The following DNAH2 variants were observed in gnomAD, a reference collection of about 807,000 sequenced individuals.
The protein encoded by DNAH2 is dynein axonemal heavy chain 2.
Under a neutral mutation model 523.5 loss-of-function variants are expected in DNAH2, and 323 were observed. The observed-to-expected ratio is 0.62, with a 90% CI of 0.56 to 0.68. The LOEUF is 0.68. Ranked by LOEUF, DNAH2 falls within the 30% of genes least tolerant of loss-of-function variation. The probability of loss-of-function intolerance (pLI) is 0.00; values close to 1 mark genes in which losing one functional copy is unlikely to be tolerated. For missense variants in DNAH2, 4,907 were observed against 5,701.5 expected, an observed-to-expected ratio of 0.86 and a Z score of 4.49; for synonymous variants, 2,093 against 2,177.4, an observed-to-expected ratio of 0.96 and a Z score of 1.08.
chr17:7,740,038 A>G, intron 9 of DNAH2, 100 bp downstream of exon 9: 1 of 915,002 alleles, frequency 1.1e-6, no homozygotes, highest in South Asian at 1.6e-5. Context: ...AAATGGTGGA[A>G]GGACAGATCG....
chr17:7,780,624 C>A lies in DNAH2; in HGVS notation c.5851-6C>A, dbSNP rs1440437472. The A allele has an allele frequency of 6.2e-7, 1 of 1,613,590 alleles. No individual in the cohort carries two copies. Among genetic ancestry groups the A allele is most frequent in the South Asian group, 1.1e-5 (1 of 91,070 alleles). On this transcript the variant is annotated splice_polypyrimidine_tract_variant and splice_region_variant and intron_variant, in intron 37 of 85. Coordinates refer to ENST00000572933, the MANE Select transcript of DNAH2 (RefSeq NM_020877.5). This position sits in a 1 kb window ranked among gnomAD's most constrained non-coding sequence, Gnocchi z 4.4. ...GACTGTTTCCTCCTCTGTTTTGGTT[C>A]CCCAGATTCTGGCCAAGAAGGTGTA...
intron 24 of DNAH2, 116 bp downstream of exon 24, chr17:7,768,383 A>T: frequency 1.0e-6 from 1 of 962,386 alleles, no homozygotes; most frequent in Admixed American, 2.5e-5. Context: ...CCCTCTGTCC[A>T]CAAATGTATG....
chr17:7,819,204 G>A lies in DNAH2; in HGVS notation c.10816-5G>A, dbSNP rs370687985. On this transcript the variant is annotated splice_region_variant and splice_polypyrimidine_tract_variant and intron_variant, in intron 71 of 85. Transcript: ENST00000572933. ...GGCCCTGACTCCACCCATCCCCACCGGCAGGCTTACCGCCCATGCGCCCAG... is the reference window on the plus strand; with the variant it reads ...GGCCCTGACTCCACCCATCCCCACCAGCAGGCTTACCGCCCATGCGCCCAG... The A allele has an allele frequency of 1.2e-4, 186 of 1,613,010 alleles. No homozygotes were observed. Among genetic ancestry groups the A allele is most frequent in the South Asian group, 1.8e-4 (16 of 91,074 alleles).
intron 11 of DNAH2, among the ~76,000 whole-genome samples, chr17:7,741,503 GC>G (rs2075350531): frequency 6.6e-6 from 1 of 150,642 alleles, no homozygotes; most frequent in South Asian, 2.1e-4. Flanking sequence ...GACTACAGGT[GC>G]CCGCCACCGC....
intron 48 of DNAH2, 112 bp downstream of exon 48, chr17:7,793,317 C>T (rs1316073260): frequency 5.4e-6 from 6 of 1,112,024 alleles, no homozygotes; most frequent in Non-Finnish European, 7.6e-6. Flanking sequence ...TTCCTTCCCA[C>T]ACAGGAGCGT....
In DNAH2 at chr17:7,719,901, G is replaced by A. The variant is rs771398790; in HGVS notation, c.166+1G>A. ...GCTGAGCTCCCCAAGGAGGAGCCTG[G>A]TGGGTACTTGCTGGGGCAGAGGATG... On this transcript the variant is annotated splice_donor_variant, in intron 2 of 85. Coordinates refer to ENST00000572933, the MANE Select transcript of DNAH2 (RefSeq NM_020877.5). LOFTEE classifies it high-confidence loss of function. 3 of 1,530,038 alleles carry A rather than the reference G, an allele frequency of 2.0e-6. No individual in the cohort carries two copies. Among genetic ancestry groups the A allele is most frequent in the Non-Finnish European group, 2.6e-6 (3 of 1,139,620 alleles). 94.8% of individuals were successfully genotyped at this position (1,530,038 alleles called of 1,614,324 possible).
At position 7,793,068 on chromosome 17, in the gene DNAH2, A is replaced by G. The variant is rs1210931366; in HGVS notation, c.7432A>G (p.Met2478Val). ...CTACGTGCCATTCGGGGGCAAAAGC[A>G]TGATCACCTTTATGGATGACCTAAA... is the stretch of plus-strand genomic sequence containing the variant. Reference protein sequence around the residue: ...GVYVPFGGKSMITFMDDLNMP... With the variant: ...GVYVPFGGKSVITFMDDLNMP... Residue 2478 changes from methionine to valine, a missense_variant, in exon 48 of 86, where the codon ATG becomes GTG. Around this residue, in one of 3 missense-constraint regions of DNAH2, gnomAD observed 2,806 missense variants for 3,190.8 expected, o/e 0.88. Transcript: ENST00000572933. 1.9e-6 allele frequency: 3 copies of G among 1,614,102 alleles called. No homozygotes were observed. The South Asian group carries it at 3.3e-5, about 18-fold the overall frequency.
At chr17:7,768,134 G>A (rs778948595) in intron 23 of DNAH2, 30 bp from the exon 24 acceptor site, 1 of 1,614,146 alleles carries the variant, frequency 6.2e-7, no homozygotes, top group Non-Finnish European at 8.5e-7. Context: ...GAGGTCGTCG[G>A]GTCTTCTCAT....
At chr17:7,819,104 C>A in intron 71 of DNAH2, 41 bp downstream of exon 71, 1 of 1,600,844 alleles carries the variant, frequency 6.2e-7, no homozygotes, top group Non-Finnish European at 8.5e-7. Context: ...CACCAGCCAT[C>A]CAAGATGCAA....
Position 7,719,769 on chromosome 17 carries a change from G to A in DNAH2, c.35G>A (p.Ser12Asn), listed in dbSNP as rs1245719428. The change falls in exon 2 of 86, where the codon AGT (serine) becomes AAT (asparagine). Residue 12 changes from serine to asparagine, a missense_variant. Physicochemically the swap from Ser to Asn is conservative, Grantham distance 46 (BLOSUM62 1). This residue lies in a region of DNAH2 where 2,806 missense variants were observed against 3,190.8 expected (regional missense o/e 0.88). Coordinates refer to ENST00000572933, the MANE Select transcript of DNAH2 (RefSeq NM_020877.5). ...AAAGCTGAGAAGAAGCAGCGATTGAGTGGCCGAGGAAGCTCCCAGGCAAGC... is the reference window on the plus strand; with the variant it reads ...AAAGCTGAGAAGAAGCAGCGATTGAATGGCCGAGGAAGCTCCCAGGCAAGC... ...SSKAEKKQRLSGRGSSQASWS... is the reference protein window; with the variant it reads ...SSKAEKKQRLNGRGSSQASWS... The A allele has an allele frequency of 6.2e-7, 1 of 1,614,110 alleles. No individual in the cohort carries two copies. The highest frequency in any genetic ancestry group is 8.5e-7 in the Non-Finnish European group (1 of 1,180,058).
At chr17:7,720,745 T>C (rs1024175408) in intron 2 of DNAH2, among the ~76,000 whole-genome samples, 1 of 152,146 alleles carries the variant, frequency 6.6e-6, no homozygotes, top group African/African-American at 2.4e-5. Context: ...CCCTGGGCCA[T>C]AAGAACTTGC....
intron 7 of DNAH2, among the ~76,000 whole-genome samples, chr17:7,736,063 A>T (rs1279463947): frequency 3.3e-5 from 5 of 151,784 alleles, no homozygotes; most frequent in African/African-American, 1.2e-4. Context: ...TAATTTTTAA[A>T]TTTTTTGTAG....
In DNAH2 at chr17:7,817,276, C is replaced by T. The variant is rs745851163; in HGVS notation, c.9895-14C>T. ...TGGGGCCCAGGCAGGCTTACCCTCC[C>T]TCCTGTCCGCCAGGGCCTGGAGGAG... is the stretch of plus-strand genomic sequence containing the variant. On this transcript the variant is annotated splice_polypyrimidine_tract_variant and intron_variant, in intron 64 of 85. Transcript: ENST00000572933. 1.9e-6 allele frequency: 3 copies of T among 1,585,952 alleles called. No homozygotes were observed. The South Asian group carries it at 3.5e-5, about 18-fold the overall frequency.
At chr17:7,744,005 C>T (rs2934598) in intron 12 of DNAH2, 115,150 of 152,154 alleles carry the variant, frequency 0.76, 44,557 homozygotes, top group East Asian at 1. Context: ...AAGTCAACAG[C>T]TCTACTCTTG....
intron 63 of DNAH2, among the ~76,000 whole-genome samples, chr17:7,808,607 A>G (rs1446668490): frequency 6.6e-6 from 1 of 152,100 alleles, no homozygotes; most frequent in African/African-American, 2.4e-5. Context: ...TCTGTTCTCT[A>G]GTCACCAGCT....
At chr17:7,781,264 C>A in intron 39 of DNAH2, 97 bp downstream of exon 39, 1 of 1,426,468 alleles carries the variant, frequency 7.0e-7, no homozygotes, top group Non-Finnish European at 9.8e-7. Flanking sequence ...TGTTTGAGTC[C>A]AGGAGTTTGA....
At chr17:7,740,351 C>T (rs2075273888) in intron 9 of DNAH2, 69 bp from the exon 10 acceptor site, 1 of 1,595,550 alleles carries the variant, frequency 6.3e-7, no homozygotes, top group African/African-American at 1.3e-5. Context: ...GCATGGGATT[C>T]TTCCTCAGGG....
At chr17:7,750,797 C>T (rs772906436) in intron 12 of DNAH2, among the ~76,000 whole-genome samples, 7 of 152,146 alleles carry the variant, frequency 4.6e-5, no homozygotes, top group Non-Finnish European at 8.8e-5. Context: ...CTTCCACAAT[C>T]TCTTAAAGCC....
rs1004941683 is a variant in DNAH2 at position 7,738,862 on chromosome 17, G to A, written c.1171-871G>A. 3 of 673,842 alleles carry A rather than the reference G, an allele frequency of 4.5e-6. No homozygotes were observed. The South Asian group carries it at 4.5e-5, about 10-fold the overall frequency. The allele number at this position is 673,842 out of a possible 1,614,324, so 41.7% of individuals were successfully genotyped here. The stretch of plus-strand genomic sequence containing the variant: ...GGCTTTCCCTGAATGCAGGGCTCCT[G>A]GTCTAGGTTTGCATAGCCAGACTGC... On this transcript the variant is annotated intron_variant, in intron 8 of 85. Coordinates refer to ENST00000572933, the MANE Select transcript of DNAH2 (RefSeq NM_020877.5).
Sources: gnomAD v4.1 joint callset for allele counts (sites outside exome capture counted in the v4.1 genomes callset) on GRCh38, gnomAD v4.1.1 for gene constraint, gnomAD v4.1.1 regional missense constraint, Gnocchi (gnomAD v3.1) non-coding constraint, MANE v1.5 for transcripts, NCBI Gene and HGNC (gene_info 2026-07-23, HGNC 2026-07-21) for gene names.